The following CEP44 variants were observed in gnomAD, a reference collection of about 807,000 sequenced individuals.
CEP44 encodes centrosomal protein 44.
A neutral mutation model predicts 46.7 loss-of-function variants in CEP44; 45 were observed. That is an observed-to-expected ratio of 0.96 (90% CI 0.76 to 1.24). The LOEUF (loss-of-function observed/expected upper bound fraction) is 1.24. CEP44 is among the 50% of genes most tolerant of loss of function. The pLI is 0.00. For missense variants in CEP44, 475 were observed against 459.7 expected, an observed-to-expected ratio of 1.03 and a Z score of -0.30; for synonymous variants, 142 against 146.0, an observed-to-expected ratio of 0.97 and a Z score of 0.20.
intron 1 of CEP44, among the ~76,000 whole-genome samples, chr4:174,294,573 G>T (rs964697995): frequency 1.6e-4 from 25 of 151,718 alleles, no homozygotes; most frequent in Non-Finnish European, 2.7e-4. Context: ...CCTCCCAGAC[G>T]GGGTGGTGGC....
At chr4:174,295,627 C>T (rs1362127010) in intron 1 of CEP44, among the ~76,000 whole-genome samples, 2 of 151,954 alleles carry the variant, frequency 1.3e-5, no homozygotes, top group African/African-American at 2.4e-5. Flanking sequence ...TTTGGGAGGC[C>T]AAGGCAGGCG....
intron 1 of CEP44, among the ~76,000 whole-genome samples, chr4:174,292,560 T>A (rs1334187031): frequency 6.6e-6 from 1 of 152,210 alleles, no homozygotes; most frequent in Admixed American, 6.5e-5. Context: ...CTTTTTATTC[T>A]TTTTAATATT....
intron 1 of CEP44, among the ~76,000 whole-genome samples, chr4:174,291,793 T>TTTC (rs1553979250): frequency 3.5e-4 from 42 of 119,888 alleles, no homozygotes; most frequent in Non-Finnish European, 2.2e-4. Flanking sequence ...TTTTCTTTTT[T>TTTC]TTTTTTTTTT....
intron 9 of CEP44, among the ~76,000 whole-genome samples, chr4:174,313,197 G>T: frequency 6.6e-6 from 1 of 151,936 alleles, no homozygotes; most frequent in Non-Finnish European, 1.5e-5. Context: ...GGTGGTTTTG[G>T]GTGTGTTGTT....
chr4:174,294,542 C>T (rs1738628083), intron 1 of CEP44, among the ~76,000 whole-genome samples: 1 of 150,268 alleles, frequency 6.7e-6, no homozygotes, highest in Admixed American at 6.6e-5. Context: ...ATGGCCCGTT[C>T]TCAATGAGCT....
intron 6 of CEP44, 35 bp downstream of exon 6, chr4:174,304,404 A>C (rs755078965): frequency 6.3e-7 from 1 of 1,592,972 alleles, no homozygotes; most frequent in Non-Finnish European, 8.5e-7. Context: ...ATATTGTTTA[A>C]GAGTTATCTA....
chr4:174,294,763 C>T (rs908366000), intron 1 of CEP44, among the ~76,000 whole-genome samples: 6 of 140,256 alleles, frequency 4.3e-5, no homozygotes, highest in Non-Finnish European at 9.6e-5. Flanking sequence ...GGGCTGACCC[C>T]CCCACCTCCC....
chr4:174,302,224 G>T (rs568147313), intron 4 of CEP44, 38 bp downstream of exon 4: 1 of 1,358,126 alleles, frequency 7.4e-7, no homozygotes, highest in African/African-American at 1.5e-5. Flanking sequence ...ATTAGTTATT[G>T]AATGATTTTT....
Position 174,294,664 on chromosome 4 carries a change from G to A in CEP44, c.-147-3302G>A, listed in dbSNP as rs556136735. 1.7e-4 allele frequency among the ~76,000 whole-genome samples: 25 copies of A among 151,140 alleles called. No individual in the cohort carries two copies. The South Asian group carries it at 4.6e-3, about 28-fold the overall frequency. ...ACCTCCCAGACGGGGCGGCTGGCCG[G>A]GCGGGGGGCTGACCCCCCTACCTCC... On this transcript the variant is annotated intron_variant, in intron 1 of 11. Transcript: ENST00000503780.
chr4:174,291,784 TTTC>T (rs1156959207), intron 1 of CEP44, among the ~76,000 whole-genome samples: 14 of 129,606 alleles, frequency 1.1e-4, no homozygotes, highest in East Asian at 6.9e-4. Flanking sequence ...ATCTTTTTCT[TTTC>T]TTTTTTTTTT....
rs1444528172 is a variant in CEP44, at chr4:174,290,258, T to A, written c.-148+6315T>A. Among the ~76,000 whole-genome samples, 2 of 152,086 alleles carry A rather than the reference T, an allele frequency of 1.3e-5. No individual in the cohort carries two copies. Among genetic ancestry groups the A allele is most frequent in the East Asian group, 3.8e-4 (2 of 5,204 alleles). Reference sequence around the variant, plus strand: ...ACTGTGTTTTTATTATTGTTTGTCTTGAGATATTTTATAATTTCTGTTTTG... The same window carrying A: ...ACTGTGTTTTTATTATTGTTTGTCTAGAGATATTTTATAATTTCTGTTTTG... On this transcript the variant is annotated intron_variant, in intron 1 of 11. Coordinates refer to ENST00000503780, the MANE Select transcript of CEP44 (RefSeq NM_001040157.3). The surrounding 1 kb of genome is among the most constrained non-coding windows in gnomAD (Gnocchi z 4.3).
chr4:174,300,280 GTT>G (rs1479061099), intron 3 of CEP44, among the ~76,000 whole-genome samples: 1 of 152,118 alleles, frequency 6.6e-6, no homozygotes, highest in Non-Finnish European at 1.5e-5. Context: ...TAAGGAGAAA[GTT>G]TAGCTCAAGT....
At chr4:174,324,294 TGATG>T (rs1392186565), downstream of CEP44, among the ~76,000 whole-genome samples, 7 of 152,164 alleles carry the variant, frequency 4.6e-5, no homozygotes, top group Admixed American at 4.6e-4. Flanking sequence ...TTTCATCAGT[TGATG>T]GACATTGTGA....
downstream of CEP44, among the ~76,000 whole-genome samples, chr4:174,324,723 C>T (rs180765935): frequency 3.3e-5 from 5 of 152,272 alleles, no homozygotes; most frequent in East Asian, 9.6e-4. Context: ...ACAACCACTC[C>T]TTAACAGAGG....
At chr4:174,324,739 GACACTT>G (rs1165408671), downstream of CEP44, among the ~76,000 whole-genome samples, 1 of 152,124 alleles carries the variant, frequency 6.6e-6, no homozygotes, top group Non-Finnish European at 1.5e-5. Context: ...AGAGGGACCA[GACACTT>G]ACCCCTGAGT....
downstream of CEP44, among the ~76,000 whole-genome samples, chr4:174,323,724 C>T (rs1046138302): frequency 4.6e-5 from 7 of 152,106 alleles, no homozygotes; most frequent in African/African-American, 1.4e-4. Context: ...ATAGGATCCA[C>T]GTTCGCAAGA....
chr4:174,304,332 G>T lies in CEP44; in HGVS notation c.470G>T (p.Gly157Val), dbSNP rs768900374. Residue 157 changes from glycine (G) to valine (V), a missense_variant, in exon 6 of 12, where the codon GGC (glycine) becomes GTC (valine). Coordinates refer to ENST00000503780, the MANE Select transcript of CEP44 (RefSeq NM_001040157.3). Reference protein sequence around the residue: ...GNEKISAEAVGVDISGRFMTS... With the variant: ...GNEKISAEAVVVDISGRFMTS... ...GAGAAAATATCTGCAGAGGCTGTTG[G>T]CGTTGATATCAGTGGCAGGTTTATG... 1.2e-6 allele frequency: 2 copies of T among 1,611,844 alleles called. No homozygotes were observed. The highest frequency in any genetic ancestry group is 1.7e-5 in the Admixed American group (1 of 59,538).
chr4:174,318,446 G>A lies in CEP44; in HGVS notation c.*1063G>A. The stretch of plus-strand genomic sequence containing the variant: ...ATGATGAAAAGTTACACATTTTTTG[G>A]AGAGAAAAGTCTTAGCTGAAGGTAA... On this transcript the variant is annotated 3_prime_UTR_variant, in exon 12 of 12. Transcript: ENST00000503780. 1.0e-6 allele frequency: 1 copy of A among 980,922 alleles called. No individual in the cohort carries two copies. Among genetic ancestry groups the A allele is most frequent in the Non-Finnish European group, 1.2e-6 (1 of 825,960 alleles). 60.8% of individuals were successfully genotyped at this position (980,922 alleles called of 1,614,324 possible).
At chr4:174,296,201 C>G (rs1044676642) in intron 1 of CEP44, among the ~76,000 whole-genome samples, 1 of 152,016 alleles carries the variant, frequency 6.6e-6, no homozygotes, top group Non-Finnish European at 1.5e-5. Flanking sequence ...CTTTTCTTGC[C>G]TTGTTGGATG....
Sources: gnomAD v4.1 joint callset for allele counts (sites outside exome capture counted in the v4.1 genomes callset) on GRCh38, gnomAD v4.1.1 for gene constraint, Gnocchi (gnomAD v3.1) non-coding constraint, MANE v1.5 for transcripts, NCBI Gene and HGNC (gene_info 2026-07-23, HGNC 2026-07-21) for gene names.